The following CERS3 variants were observed in gnomAD, a reference collection of about 807,000 sequenced individuals.
The protein encoded by CERS3 is LAG1 homolog, ceramide synthase 3.
A neutral mutation model predicts 50.3 loss-of-function variants in CERS3; 33 were observed. The observed-to-expected ratio is 0.66, with a 90% confidence interval of 0.50 to 0.88. CERS3 has a LOEUF of 0.88. Ranked by LOEUF, CERS3 falls within the 40% of genes least tolerant of loss-of-function variation. The probability of loss-of-function intolerance (pLI) is 0.00; values close to 1 mark genes in which losing one functional copy is unlikely to be tolerated. For missense variants in CERS3, 470 were observed against 460.3 expected (o/e 1.02, Z -0.19); for synonymous variants, 176 against 155.2 (o/e 1.13, Z -0.99).
intron 10 of CERS3, among the ~76,000 whole-genome samples, chr15:100,465,660 T>C (rs897377644): frequency 8.1e-6 from 1 of 123,098 alleles, no homozygotes; most frequent in Non-Finnish European, 1.6e-5. Context: ...TGTTTTGAAC[T>C]TTTTTTTTTT....
At chr15:100,530,434 C>T (rs1430904194), upstream of CERS3, among the ~76,000 whole-genome samples, 7 of 152,250 alleles carry the variant, frequency 4.6e-5, no homozygotes, top group African/African-American at 1.7e-4. Context: ...CTTCTGGGCC[C>T]TTGCCATGAG....
rs190891487 is a variant in CERS3, at chr15:100,516,200, T to C, written c.-2+5467A>G. Among the ~76,000 whole-genome samples, 687 of 152,332 alleles carry C rather than the reference T, an allele frequency of 4.5e-3. 4 individuals are homozygous for C. Among genetic ancestry groups the C allele is most frequent in the Non-Finnish European group, 4.5e-3 (306 of 68,028 alleles). On this transcript the variant is annotated intron_variant, in intron 2 of 11. Transcript: ENST00000679737. ...TAGAAAGGGGTGGGTAAGGCCATTA[T>C]ACAGATTGCAAGCTGGCAATTGATG...
intron 10 of CERS3, among the ~76,000 whole-genome samples, chr15:100,458,964 T>C (rs1257746014): frequency 6.6e-6 from 1 of 152,208 alleles, no homozygotes; most frequent in Non-Finnish European, 1.5e-5. Context: ...TCTGGACCAT[T>C]TGGTCTCTGT....
intron 3 of CERS3, among the ~76,000 whole-genome samples, chr15:100,492,799 A>G (rs1567659436): frequency 6.6e-6 from 1 of 152,130 alleles, no homozygotes; most frequent in South Asian, 2.1e-4. Flanking sequence ...ATTTTGTGTT[A>G]AATAGATATT....
chr15:100,421,776 GC>G (rs1202177290), intron 11 of CERS3, among the ~76,000 whole-genome samples: 1 of 135,600 alleles, frequency 7.4e-6, no homozygotes, highest in Non-Finnish European at 1.6e-5. Flanking sequence ...CAGAAATAAT[GC>G]CGCGTATCTA....
intron 2 of CERS3, among the ~76,000 whole-genome samples, chr15:100,516,899 G>C (rs1204918149): frequency 2.0e-5 from 3 of 152,230 alleles, no homozygotes; most frequent in East Asian, 3.8e-4. Flanking sequence ...CAGCAAACAA[G>C]AGTAGGATTT....
intron 11 of CERS3, among the ~76,000 whole-genome samples, chr15:100,434,347 C>G (rs759687969): frequency 6.6e-6 from 1 of 152,232 alleles, no homozygotes; most frequent in Non-Finnish European, 1.5e-5. Context: ...TTGAAGAACA[C>G]AGCCCCTTTG....
At chr15:100,462,837 A>AG (rs1181358819) in intron 10 of CERS3, among the ~76,000 whole-genome samples, 2 of 152,216 alleles carry the variant, frequency 1.3e-5, no homozygotes, top group Admixed American at 1.3e-4. Context: ...CCACACAGTC[A>AG]GGGGGAAAAG....
intron 2 of CERS3, among the ~76,000 whole-genome samples, chr15:100,507,658 C>T (rs2036223458): frequency 6.6e-6 from 1 of 152,220 alleles, no homozygotes; most frequent in South Asian, 2.1e-4. Context: ...AAAATTGCCA[C>T]CAGGTGTGAA....
At chr15:100,472,418 T>C (rs2034998854) in intron 9 of CERS3, among the ~76,000 whole-genome samples, 1 of 151,348 alleles carries the variant, frequency 6.6e-6, no homozygotes, top group Non-Finnish European at 1.5e-5. Context: ...GAAAACATTC[T>C]AAGCCCTCTT....
chr15:100,457,245 TTAATA>T (rs1337138065), intron 10 of CERS3, among the ~76,000 whole-genome samples: 1 of 152,222 alleles, frequency 6.6e-6, no homozygotes, highest in East Asian at 1.9e-4. Context: ...TTCAATGAAT[TTAATA>T]TGTCTATAGG....
At position 100,424,744 on chromosome 15, in the gene CERS3, A is replaced by G. The variant is rs553536742; in HGVS notation, c.1000-21879T>C. 3.3e-5 allele frequency among the ~76,000 whole-genome samples: 5 copies of G among 152,350 alleles called. No homozygotes were observed. The South Asian group carries it at 1.0e-3, about 32-fold the overall frequency. ...AAGAGATGTTCTGAAACTGGAATTT[A>G]TATTTAGAAGGGGAGCAGAGCACAA... On this transcript the variant is annotated intron_variant, in intron 11 of 11. Coordinates refer to ENST00000679737, the MANE Select transcript of CERS3 (RefSeq NM_001378789.1).
intron 11 of CERS3, among the ~76,000 whole-genome samples, chr15:100,425,273 TAG>T (rs888852811): frequency 7.9e-5 from 12 of 151,972 alleles, no homozygotes; most frequent in African/African-American, 2.9e-4. Flanking sequence ...CCCAAAATGG[TAG>T]ATTTATTGAC....
rs576687161 is a variant in CERS3, at chr15:100,444,146, G to A, written c.999+11747C>T. Among the ~76,000 whole-genome samples the A allele has an allele frequency of 7.9e-5, 12 of 152,296 alleles. No individual in the cohort carries two copies. In the East Asian group the frequency reaches 9.7e-4, roughly 12 times the overall value. ...GTTTCAGGCTGGCCATCATGTCTCC[G>A]TGCAGTGGCTGCTGCTGCCTTAATA... On this transcript the variant is annotated intron_variant, in intron 11 of 11. Coordinates refer to ENST00000679737, the MANE Select transcript of CERS3 (RefSeq NM_001378789.1).
intron 11 of CERS3, among the ~76,000 whole-genome samples, 169 bp downstream of exon 11, chr15:100,455,724 A>G (rs894189040): frequency 7.2e-5 from 11 of 152,322 alleles, no homozygotes; most frequent in African/African-American, 2.4e-4. Flanking sequence ...TTAAAGACCT[A>G]CTTATGAAAA....
At chr15:100,514,203 C>T (rs907455216) in intron 2 of CERS3, among the ~76,000 whole-genome samples, 2 of 152,104 alleles carry the variant, frequency 1.3e-5, no homozygotes, top group African/African-American at 4.8e-5. Context: ...GCTTGTAAAT[C>T]GCTTTATTTC....
intron 8 of CERS3, 116 bp from the exon 9 acceptor site, chr15:100,473,168 T>G (rs1292472466): frequency 8.9e-6 from 10 of 1,121,036 alleles, no homozygotes; most frequent in South Asian, 1.6e-5. Flanking sequence ...GTTTTGAAAT[T>G]TATAAAATGC....
chr15:100,410,992 T>C (rs2031437334), intron 11 of CERS3, among the ~76,000 whole-genome samples: 1 of 152,200 alleles, frequency 6.6e-6, no homozygotes, highest in Non-Finnish European at 1.5e-5. Context: ...CCCCAGCCTC[T>C]GGCAACCACC....
chr15:100,451,439 C>T (rs956875726), intron 11 of CERS3, among the ~76,000 whole-genome samples: 6 of 152,258 alleles, frequency 3.9e-5, no homozygotes, highest in Middle Eastern at 3.4e-3. Flanking sequence ...CATGGTGGCT[C>T]ATGCCTGTAA....
Sources: allele counts gnomAD v4.1 joint callset (sites outside exome capture counted in the v4.1 genomes callset), GRCh38; gene constraint gnomAD v4.1.1; transcripts MANE v1.5; gene names NCBI Gene and HGNC (gene_info 2026-07-23, HGNC 2026-07-21).